Variants in TERF1 observed in about 807,000 individuals in gnomAD.
TERF1 encodes the protein telomeric repeat binding factor 1.
A neutral mutation model predicts 55.1 loss-of-function variants in TERF1; 20 were observed. That is an observed-to-expected ratio of 0.36 (90% CI 0.26 to 0.53). TERF1 has a LOEUF of 0.53. Among genes scored for constraint, TERF1 ranks in the 20% least tolerant of loss-of-function variants. The probability of loss-of-function intolerance (pLI) is 0.91; values close to 1 mark genes in which losing one functional copy is unlikely to be tolerated. For missense variants in TERF1, 439 were observed against 535.7 expected (o/e 0.82, Z 1.78); for synonymous variants, 168 against 181.2 (o/e 0.93, Z 0.59).
At chr8:73,035,999 G>C (rs1369484471) in intron 8 of TERF1, among the ~76,000 whole-genome samples, 3 of 152,224 alleles carry the variant, frequency 2.0e-5, no homozygotes, top group Admixed American at 6.5e-5. Context: ...TAATGAGTTA[G>C]AGTAAGACAG....
chr8:73,014,082 T>G, intron 2 of TERF1, 92 bp downstream of exon 2: 1 of 1,017,528 alleles, frequency 9.8e-7, no homozygotes, highest in East Asian at 2.5e-5. Context: ...GGGGGAAGTT[T>G]GCCTACAAGT....
At position 73,032,147 on chromosome 8, in the gene TERF1, T is replaced by C. The variant is rs558138411; in HGVS notation, c.1039+14T>C. ...GAACTCCTCAAAGTGAGTACTGTTA[T>C]AACAGTTTTAGAAGGGGAGAATTGA... On this transcript the variant is annotated intron_variant, in intron 8 of 9. Coordinates refer to ENST00000276603, the MANE Select transcript of TERF1 (RefSeq NM_017489.3). 10 of 1,580,360 alleles carry C rather than the reference T, an allele frequency of 6.3e-6. No homozygotes were observed. Among genetic ancestry groups the C allele is most frequent in the East Asian group, 4.5e-5 (2 of 44,364 alleles).
At chr8:73,018,003 C>T (rs1395335504) in intron 2 of TERF1, among the ~76,000 whole-genome samples, 1 of 152,184 alleles carries the variant, frequency 6.6e-6, no homozygotes, top group Admixed American at 6.5e-5. Flanking sequence ...GCCACCGCGC[C>T]TGGCCATGCA....
chr8:73,041,812 C>A (rs1235991751), intron 9 of TERF1, among the ~76,000 whole-genome samples: 1 of 152,084 alleles, frequency 6.6e-6, no homozygotes, highest in Non-Finnish European at 1.5e-5. Context: ...ATAAAACTCA[C>A]AAAAGTTTGT....
At chr8:73,016,342 G>A (rs924757270) in intron 2 of TERF1, among the ~76,000 whole-genome samples, 1 of 152,004 alleles carries the variant, frequency 6.6e-6, no homozygotes, top group Non-Finnish European at 1.5e-5. Flanking sequence ...GGACATGTTT[G>A]GGGTGATGTG....
chr8:73,008,883 T>A lies in TERF1; in HGVS notation c.-4T>A. 1 of 1,601,608 alleles carries A rather than the reference T, an allele frequency of 6.2e-7. No individual in the cohort carries two copies. Among genetic ancestry groups the A allele is most frequent in the Middle Eastern group, 1.7e-4 (1 of 6,018 alleles). On this transcript the variant is annotated 5_prime_UTR_variant, in exon 1 of 10. Coordinates refer to ENST00000276603, the MANE Select transcript of TERF1 (RefSeq NM_017489.3). ...AGGGGCAGTACCCAAGCGAGCCATT[T>A]AACATGGCGGAGGATGTTTCCTCAG...
At chr8:73,031,963 T>G (rs1809304177) in intron 7 of TERF1, 79 bp from the exon 8 acceptor site, 3 of 976,546 alleles carry the variant, frequency 3.1e-6, no homozygotes, top group African/African-American at 3.3e-5. Flanking sequence ...TAGAACAGAT[T>G]AAGGCAAATC....
At position 73,027,121 on chromosome 8, in the gene TERF1, G is replaced by A. The variant is rs55915205; in HGVS notation, c.887+69G>A. ...TTCTGTCTTTATGTAAAATTGATAT[G>A]TCTTTTTATTAAAAATAATTATTGA... On this transcript the variant is annotated intron_variant, in intron 6 of 9. Transcript: ENST00000276603. 3,673 of 1,088,828 alleles carry A rather than the reference G, an allele frequency of 3.4e-3. 87 individuals carry two copies. The African/African-American group carries it at 0.054, about 16-fold the overall frequency. 67.4% of individuals were successfully genotyped at this position (1,088,828 alleles called of 1,614,324 possible). A position where few individuals can be genotyped will look rare whatever the true frequency, so the allele number is the denominator to read the frequency against.
At chr8:73,018,457 C>T (rs1296417307) in intron 2 of TERF1, among the ~76,000 whole-genome samples, 1 of 152,112 alleles carries the variant, frequency 6.6e-6, no homozygotes, top group African/African-American at 2.4e-5. Flanking sequence ...GGGTGGATCA[C>T]CTGAGGTCAG....
At chr8:73,012,419 C>T (rs1808315229) in intron 1 of TERF1, 1 of 152,840 alleles carries the variant, frequency 6.5e-6, no homozygotes, top group Non-Finnish European at 1.5e-5. Context: ...CCTGTAATCC[C>T]AGCACTTTGG....
intron 2 of TERF1, among the ~76,000 whole-genome samples, chr8:73,015,671 AC>A (rs1325516420): frequency 3.0e-5 from 4 of 134,702 alleles, no homozygotes; most frequent in Non-Finnish European, 6.8e-5. Flanking sequence ...CCCCGTCTCT[AC>A]TAAAAATACA....
At position 73,046,422 on chromosome 8, in the gene TERF1, G is replaced by GAA; in HGVS notation, c.*296_*297dup. The stretch of plus-strand genomic sequence containing the variant: ...CAATGAAAAAATTAAAACCTGATAC[G>GAA]AAAAAAAAAAAATTCCAGTTAACCT... On this transcript the variant is annotated 3_prime_UTR_variant, in exon 10 of 10. Transcript: ENST00000276603. The GAA allele has an allele frequency of 1.0e-4, 18 of 179,882 alleles. No individual in the cohort carries two copies. The highest frequency in any genetic ancestry group is 2.3e-3 in the Middle Eastern group (1 of 444). 11.1% of individuals were successfully genotyped at this position (179,882 alleles called of 1,614,324 possible).
At chr8:73,039,667 A>C (rs2306492) in intron 9 of TERF1, among the ~76,000 whole-genome samples, 1 of 151,830 alleles carries the variant, frequency 6.6e-6, no homozygotes, top group African/African-American at 2.4e-5. Flanking sequence ...TTCAGTGACT[A>C]TAGTCTTGTG....
intron 2 of TERF1, among the ~76,000 whole-genome samples, chr8:73,020,154 T>G (rs1808688910): frequency 6.6e-6 from 1 of 152,250 alleles, no homozygotes; most frequent in Non-Finnish European, 1.5e-5. Context: ...GGCTCTTGAA[T>G]GTCCGAATGG....
rs1207575903 is a variant in TERF1, at chr8:73,045,610, A to G, written c.1144-351A>G. On this transcript the variant is annotated intron_variant, in intron 9 of 9. Transcript: ENST00000276603. ...GAACTACTAAACATTCACAAAGCCT[A>G]TTTGGAGATTTGGAGGATAATAAAT... 2.6e-5 allele frequency among the ~76,000 whole-genome samples: 4 copies of G among 152,128 alleles called. No individual in the cohort carries two copies. In the East Asian group the frequency reaches 5.8e-4, roughly 22 times the overall value.
chr8:73,021,783 T>G (rs374705134), intron 3 of TERF1, among the ~76,000 whole-genome samples: 10 of 152,324 alleles, frequency 6.6e-5, no homozygotes, highest in Admixed American at 5.2e-4. Flanking sequence ...ATCTAGCTTC[T>G]TAGGTGTGTA....
chr8:73,020,228 G>C (rs991437885), intron 2 of TERF1, among the ~76,000 whole-genome samples: 4 of 152,244 alleles, frequency 2.6e-5, no homozygotes, highest in Admixed American at 2.0e-4. Context: ...TGAATAACTT[G>C]ATCACAACTC....
intron 1 of TERF1, chr8:73,012,407 T>A (rs1274153547): frequency 6.5e-6 from 1 of 152,684 alleles, no homozygotes; most frequent in South Asian, 2.1e-4. Context: ...CGGTGGCTCA[T>A]GCCTGTAATC....
intron 8 of TERF1, 79 bp from the exon 9 acceptor site, chr8:73,039,037 A>G: frequency 2.0e-6 from 2 of 1,025,062 alleles, no homozygotes; most frequent in Non-Finnish European, 2.8e-6. Flanking sequence ...AAGGAATTTC[A>G]TTATAATCAT....
Sources: allele counts gnomAD v4.1 joint callset (sites outside exome capture counted in the v4.1 genomes callset), GRCh38; gene constraint gnomAD v4.1.1; transcripts MANE v1.5; gene names NCBI Gene and HGNC (gene_info 2026-07-23, HGNC 2026-07-21).